The following ANK2 variants were observed in gnomAD, a reference collection of about 807,000 sequenced individuals.
The protein encoded by ANK2 is ankyrin 2.
In ANK2, 83 loss-of-function variants were observed where a neutral mutation model predicts 360.5. The ratio of observed to expected loss-of-function variants is 0.23; its 90% CI spans 0.19 to 0.28. The LOEUF is 0.28. ANK2 is among the 10% of genes least tolerant of loss of function. ANK2 has a pLI of 1.00. For synonymous variants in ANK2, 1,740 were observed against 1,759.5 expected (o/e 0.99, Z 0.28); for missense variants, 4,201 against 4,795.7 (o/e 0.88, Z 3.66).
At chr4:112,783,959 T>C in the ANK2 span, among the ~76,000 whole-genome samples, 1 of 152,080 alleles carries the variant, frequency 6.6e-6, no homozygotes, top group Non-Finnish European at 1.5e-5. Flanking sequence ...TATGTTGATA[T>C]ATTTTTAAAA....
At chr4:113,096,246 C>G (rs1286617527) in intron 1 of ANK2, among the ~76,000 whole-genome samples, 3 of 152,208 alleles carry the variant, frequency 2.0e-5, no homozygotes, top group Non-Finnish European at 4.4e-5. Context: ...GTCTCCCAGT[C>G]TCCTCATCAA....
At chr4:112,741,393 C>T in the ANK2 span, among the ~76,000 whole-genome samples, 11 of 152,172 alleles carry the variant, frequency 7.2e-5, no homozygotes, top group African/African-American at 1.7e-4. Context: ...GCTCCCTTTT[C>T]GTTGCATAGC....
chr4:113,136,839 C>T (rs1011763542), intron 1 of ANK2, among the ~76,000 whole-genome samples: 1 of 151,694 alleles, frequency 6.6e-6, no homozygotes, highest in African/African-American at 2.4e-5. Context: ...TTACTGCAAC[C>T]TCCGCCTCCC....
At chr4:113,206,752 G>A (rs555781148) in intron 4 of ANK2, among the ~76,000 whole-genome samples, 9 of 152,238 alleles carry the variant, frequency 5.9e-5, no homozygotes, top group East Asian at 3.9e-4. Flanking sequence ...GGCTGGGTGC[G>A]GTGACTCATG....
the ANK2 span, among the ~76,000 whole-genome samples, chr4:112,758,064 C>T: frequency 1.7e-5 from 2 of 118,054 alleles, no homozygotes; most frequent in South Asian, 3.0e-4. Context: ...CCATCACACC[C>T]GGCTAATTTT....
rs147547363 is a variant in ANK2, at chr4:113,354,355, C to T, written c.5737C>T (p.Arg1913Cys). The T allele has an allele frequency of 8.1e-6, 13 of 1,613,966 alleles. No homozygotes were observed. Among genetic ancestry groups the T allele is most frequent in the Middle Eastern group, 1.6e-4 (1 of 6,084 alleles). Reference protein sequence around the residue: ...PVSPSGKTDKRPPVSPSGRTE... With the variant: ...PVSPSGKTDKCPPVSPSGRTE... ...TTCGCCTTCAGGCAAAACAGACAAACGTCCACCTGTATCGCCCTCCGGGAG... is the reference window on the plus strand; with the variant it reads ...TTCGCCTTCAGGCAAAACAGACAAATGTCCACCTGTATCGCCCTCCGGGAG... The change falls in exon 38 of 46, where the codon CGT becomes TGT. Residue 1913 changes from arginine (R) to cysteine (C), a missense_variant. Coordinates refer to ENST00000357077, the MANE Select transcript of ANK2 (RefSeq NM_001148.6).
intron 2 of ANK2, among the ~76,000 whole-genome samples, chr4:113,007,808 T>A (rs745811210): frequency 6.6e-6 from 1 of 152,122 alleles, no homozygotes; most frequent in South Asian, 2.1e-4. Flanking sequence ...ACTTGACTAG[T>A]CTTAACAAAA....
chr4:112,781,175 A>C, the ANK2 span, among the ~76,000 whole-genome samples: 1 of 152,048 alleles, frequency 6.6e-6, no homozygotes, highest in African/African-American at 2.4e-5. Flanking sequence ...AATTTTTTGT[A>C]GGGAAGGGGT....
chr4:113,134,029 A>G (rs1257758357), intron 1 of ANK2, among the ~76,000 whole-genome samples: 1 of 152,140 alleles, frequency 6.6e-6, no homozygotes, highest in Non-Finnish European at 1.5e-5. Context: ...GTCCCTAATA[A>G]TAAGATTACA....
intron 1 of ANK2, among the ~76,000 whole-genome samples, chr4:112,834,831 T>G (rs1299342592): frequency 6.6e-6 from 1 of 152,224 alleles, no homozygotes; most frequent in Non-Finnish European, 1.5e-5. Context: ...AATCAGATCT[T>G]TAAAAAACAG....
At chr4:112,828,873 G>T (rs2059043155) in intron 1 of ANK2, among the ~76,000 whole-genome samples, 1 of 152,218 alleles carries the variant, frequency 6.6e-6, no homozygotes, top group South Asian at 2.1e-4. Flanking sequence ...GGCAAAGGAG[G>T]CTGGGTGTGG....
chr4:113,197,682 G>A (rs1321558459), intron 3 of ANK2, among the ~76,000 whole-genome samples: 2 of 152,166 alleles, frequency 1.3e-5, no homozygotes, highest in African/African-American at 2.4e-5. Context: ...GGTTCTGCTT[G>A]TAGTATAGTA....
At chr4:113,168,262 T>C (rs988279723) in intron 1 of ANK2, among the ~76,000 whole-genome samples, 3 of 152,242 alleles carry the variant, frequency 2.0e-5, no homozygotes, top group African/African-American at 7.2e-5. Context: ...TAGGTAGAAT[T>C]TATCTGTTTA....
In ANK2 at chr4:113,330,520, C is replaced by G. The variant is rs559883005; in HGVS notation, c.3125+50C>G. On this transcript the variant is annotated intron_variant, in intron 27 of 45. Coordinates refer to ENST00000357077, the MANE Select transcript of ANK2 (RefSeq NM_001148.6). ...ACTTAGTCATCGATGAGCTTGTGTC[C>G]TCTACATGAAATCACTAGGATGGAA... 2.8e-5 allele frequency: 44 copies of G among 1,573,634 alleles called. No homozygotes were observed. The East Asian group carries it at 9.2e-4, about 33-fold the overall frequency.
At chr4:112,774,824 A>G in the ANK2 span, among the ~76,000 whole-genome samples, 1 of 152,340 alleles carries the variant, frequency 6.6e-6, no homozygotes, top group Non-Finnish European at 1.5e-5. Flanking sequence ...CCCATTAAAG[A>G]TTTGGAACTG....
At chr4:113,134,841 G>C (rs1704500934) in intron 1 of ANK2, among the ~76,000 whole-genome samples, 1 of 151,942 alleles carries the variant, frequency 6.6e-6, no homozygotes, top group Admixed American at 6.6e-5. Context: ...TTAGAACTTT[G>C]CCATGTAGTT....
At chr4:113,369,909 G>A in intron 43 of ANK2, 104 bp downstream of exon 43, 1 of 1,449,684 alleles carries the variant, frequency 6.9e-7, no homozygotes, top group Non-Finnish European at 9.5e-7. Context: ...AAACAAAAAA[G>A]TTAACCAAAT....
rs990182563 is a variant in ANK2 at position 113,383,296 on chromosome 4, C to G, written c.*1825C>G. 1 of 152,598 alleles carries G rather than the reference C, an allele frequency of 6.6e-6. No individual in the cohort carries two copies. The highest frequency in any genetic ancestry group is 1.5e-5 in the Non-Finnish European group (1 of 68,036). 9.5% of individuals were successfully genotyped at this position (152,598 alleles called of 1,614,324 possible). On this transcript the variant is annotated 3_prime_UTR_variant, in exon 46 of 46. Coordinates refer to ENST00000357077, the MANE Select transcript of ANK2 (RefSeq NM_001148.6). ...GAGGGAGGTTTCCCACAAGCCAAAT[C>G]TCCTAAGCCTCAAATGCTAGCACTT...
At chr4:113,003,850 G>A (rs1225929943) in intron 2 of ANK2, among the ~76,000 whole-genome samples, 1 of 152,168 alleles carries the variant, frequency 6.6e-6, no homozygotes, top group Non-Finnish European at 1.5e-5. Flanking sequence ...AACATGCCTA[G>A]GCTATATGGT....
Sources: gnomAD v4.1 joint callset for allele counts (sites outside exome capture counted in the v4.1 genomes callset) on GRCh38, gnomAD v4.1.1 for gene constraint, MANE v1.5 for transcripts, NCBI Gene and HGNC (gene_info 2026-07-23, HGNC 2026-07-21) for gene names.